Variants in STXBP5L observed in about 807,000 individuals in gnomAD.
STXBP5L encodes the protein syntaxin binding protein 5L, also known as syntaxin-binding protein 5-like.
In STXBP5L, 65 loss-of-function variants were observed where a neutral mutation model predicts 144.5. The ratio of observed to expected loss-of-function variants is 0.45; its 90% CI spans 0.37 to 0.55. The LOEUF is 0.55. Ranked by LOEUF, STXBP5L falls within the 20% of genes least tolerant of loss-of-function variation. STXBP5L has a pLI of 0.00. For synonymous variants in STXBP5L, 505 were observed against 469.6 expected (o/e 1.08, Z -0.97); for missense variants, 1,298 against 1,405.5 (o/e 0.92, Z 1.22).
chr3:121,097,793 A>AT (rs1486516661), intron 5 of STXBP5L, among the ~76,000 whole-genome samples: 17 of 152,172 alleles, frequency 1.1e-4, no homozygotes, highest in Admixed American at 4.6e-4. Context: ...GTTTGCCAGT[A>AT]TTTTTTAAGC....
intron 19 of STXBP5L, among the ~76,000 whole-genome samples, chr3:121,293,218 A>T (rs1262461399): frequency 6.6e-6 from 1 of 152,222 alleles, no homozygotes; most frequent in African/African-American, 2.4e-5. Context: ...CAGGAAAAAA[A>T]AGGACACATT....
At chr3:121,193,141 C>A (rs1230198994) in intron 9 of STXBP5L, among the ~76,000 whole-genome samples, 1 of 142,242 alleles carries the variant, frequency 7.0e-6, no homozygotes, top group Non-Finnish European at 1.5e-5. Context: ...AAACAAACCA[C>A]CCCATCAAAA....
chr3:121,165,870 T>G (rs7615712), intron 9 of STXBP5L, among the ~76,000 whole-genome samples: 32,314 of 151,974 alleles, frequency 0.21, 3,629 homozygotes, highest in Non-Finnish European at 0.26. Context: ...TTGGCTTGTC[T>G]CATTTTGGAA....
At chr3:120,975,072 C>T (rs1705017469) in intron 3 of STXBP5L, among the ~76,000 whole-genome samples, 1 of 152,120 alleles carries the variant, frequency 6.6e-6, no homozygotes, top group Admixed American at 6.5e-5. Context: ...TTTTCCAATT[C>T]TGTGAAGAAA....
intron 3 of STXBP5L, among the ~76,000 whole-genome samples, chr3:121,037,639 G>A (rs1307580302): frequency 1.3e-5 from 2 of 152,166 alleles, no homozygotes; most frequent in East Asian, 3.9e-4. Flanking sequence ...GATATAGTTT[G>A]TCATGATTTG....
intron 19 of STXBP5L, among the ~76,000 whole-genome samples, chr3:121,309,529 A>G (rs2043455279): frequency 6.6e-6 from 1 of 152,150 alleles, no homozygotes; most frequent in South Asian, 2.1e-4. Flanking sequence ...AGAGAAAGTC[A>G]ATAATAATTG....
chr3:121,405,197 C>T (rs533869395), intron 22 of STXBP5L, among the ~76,000 whole-genome samples: 1 of 152,032 alleles, frequency 6.6e-6, no homozygotes, highest in African/African-American at 2.4e-5. Flanking sequence ...GGGGTTGGGG[C>T]TTTAACATAT....
intron 5 of STXBP5L, among the ~76,000 whole-genome samples, chr3:121,047,294 G>C (rs1170900892): frequency 2.6e-5 from 4 of 152,082 alleles, no homozygotes; most frequent in African/African-American, 9.7e-5. Flanking sequence ...TTTAGAGTAT[G>C]TGCTATGTAC....
At chr3:121,228,872 G>A (rs887166366) in intron 11 of STXBP5L, among the ~76,000 whole-genome samples, 2 of 152,128 alleles carry the variant, frequency 1.3e-5, no homozygotes, top group Non-Finnish European at 2.9e-5. Context: ...GTGAGACTCC[G>A]TCTCAGAAAA....
intron 5 of STXBP5L, among the ~76,000 whole-genome samples, chr3:121,072,432 T>A (rs963746292): frequency 6.6e-6 from 1 of 152,360 alleles, no homozygotes; most frequent in South Asian, 2.1e-4. Flanking sequence ...CATAGAAATG[T>A]CGTCCTATAA....
intron 25 of STXBP5L, among the ~76,000 whole-genome samples, chr3:121,416,787 G>T (rs1052922661): frequency 6.6e-6 from 1 of 152,026 alleles, no homozygotes; most frequent in Admixed American, 6.6e-5. Flanking sequence ...TTACAGGCAT[G>T]AGCCACCACA....
chr3:121,314,330 A>G (rs2043693681), intron 19 of STXBP5L, among the ~76,000 whole-genome samples: 4 of 140,656 alleles, frequency 2.8e-5, no homozygotes, highest in South Asian at 2.5e-4. Flanking sequence ...ACGAGACTCC[A>G]TCTGCAATCC....
intron 19 of STXBP5L, among the ~76,000 whole-genome samples, chr3:121,297,820 G>A (rs551264242): frequency 8.5e-5 from 13 of 152,226 alleles, no homozygotes; most frequent in African/African-American, 3.1e-4. Flanking sequence ...AATTTTAGAA[G>A]AGAAAGTGAA....
intron 4 of STXBP5L, among the ~76,000 whole-genome samples, chr3:121,044,905 T>G (rs942595135): frequency 6.6e-6 from 1 of 152,174 alleles, no homozygotes; most frequent in Non-Finnish European, 1.5e-5. Flanking sequence ...GATATTTCCT[T>G]TATAATTGAT....
At chr3:121,404,037 C>T (rs2046942873) in intron 22 of STXBP5L, among the ~76,000 whole-genome samples, 1 of 152,128 alleles carries the variant, frequency 6.6e-6, no homozygotes, top group Admixed American at 6.6e-5. Flanking sequence ...TATTTATAGT[C>T]TGGACCTCTC....
chr3:121,070,339 G>A (rs142592787), intron 5 of STXBP5L, among the ~76,000 whole-genome samples: 1 of 152,206 alleles, frequency 6.6e-6, no homozygotes, highest in African/African-American at 2.4e-5. Context: ...AACTCACTGG[G>A]CCTCTAATAA....
intron 9 of STXBP5L, among the ~76,000 whole-genome samples, chr3:121,175,320 G>C (rs1317540017): frequency 6.6e-6 from 1 of 152,002 alleles, no homozygotes; most frequent in Non-Finnish European, 1.5e-5. Flanking sequence ...CAAACCCACT[G>C]TAACTACTGG....
chr3:121,084,099 A>AT (rs201589890), intron 5 of STXBP5L, among the ~76,000 whole-genome samples: 2,536 of 147,524 alleles, frequency 0.017, 64 homozygotes, highest in African/African-American at 0.059. Context: ...GCTCTTTACT[A>AT]TTTTTTTTTA....
At chr3:120,993,386 A>G (rs920673097) in intron 3 of STXBP5L, among the ~76,000 whole-genome samples, 1 of 152,008 alleles carries the variant, frequency 6.6e-6, no homozygotes, top group African/African-American at 2.4e-5. Flanking sequence ...ATCATTTCTT[A>G]TACCATGTAC....
Sources: allele counts gnomAD v4.1 joint callset (sites outside exome capture counted in the v4.1 genomes callset), GRCh38; gene constraint gnomAD v4.1.1; transcripts MANE v1.5; gene names NCBI Gene and HGNC (gene_info 2026-07-23, HGNC 2026-07-21).